The following FBN3 variants were observed in gnomAD, a reference collection of about 807,000 sequenced individuals.
FBN3 encodes the protein fibrillin-3.
A neutral mutation model predicts 330.1 loss-of-function variants in FBN3; 234 were observed. The ratio of observed to expected loss-of-function variants is 0.71; its 90% CI spans 0.64 to 0.79. FBN3 has a LOEUF of 0.79. FBN3 is among the 30% of genes least tolerant of loss of function. The pLI is 0.00. For missense variants in FBN3, 3,606 were observed against 3,886.9 expected, an observed-to-expected ratio of 0.93 and a Z score of 1.92; for synonymous variants, 1,458 against 1,517.3, an observed-to-expected ratio of 0.96 and a Z score of 0.91.
rs1452457452 is a variant in FBN3, at chr19:8,117,553, G to A, written c.3374C>T (p.Pro1125Leu). 1.3e-6 allele frequency: 2 copies of A among 1,557,186 alleles called. No individual in the cohort carries two copies. Among genetic ancestry groups the A allele is most frequent in the Non-Finnish European group, 1.7e-6 (2 of 1,150,138 alleles). Residue 1125 changes from proline to leucine, a missense_variant, in exon 27 of 64, where the codon CCC (proline) becomes CTC (leucine). By Grantham distance (98) the Pro-to-Leu change is moderately conservative. Coordinates refer to ENST00000600128, the MANE Select transcript of FBN3 (RefSeq NM_032447.5). The part of the protein sequence containing the change: ...DECSLSDGLC[P>L]HGQCVNVIGA... ...GATGACATTGACACACTGGCCATGG[G>A]GACACAGGCCATCACTCAGGGAGCA...
intron 30 of FBN3, among the ~76,000 whole-genome samples, chr19:8,112,880 A>T (rs2082622649): frequency 6.6e-6 from 1 of 152,200 alleles, no homozygotes; most frequent in Non-Finnish European, 1.5e-5. Context: ...TTTTGGATCA[A>T]CATCAACAAC....
rs781766536 is a variant in FBN3, at chr19:8,125,972, C to G, written c.2651G>C (p.Arg884Pro). 6.2e-7 allele frequency: 1 copy of G among 1,613,880 alleles called. No homozygotes were observed. Among genetic ancestry groups the G allele is most frequent in the Non-Finnish European group, 8.5e-7 (1 of 1,179,994 alleles). ...GAAAGACCCAGCAGTGTTGACGCAA[C>G]GCCCGTTGGGACAGACTCCCGGGAA... ...ESFPGVCPNGRCVNTAGSFRC... is the reference protein window; with the variant it reads ...ESFPGVCPNGPCVNTAGSFRC... The change falls in exon 22 of 64, where the codon CGT becomes CCT. Residue 884 changes from arginine to proline, a missense_variant. Physicochemically the swap from Arg to Pro is moderately radical, Grantham distance 103. Coordinates refer to ENST00000600128, the MANE Select transcript of FBN3 (RefSeq NM_032447.5).
chr19:8,138,061 T>C, intron 10 of FBN3, 80 bp downstream of exon 10: 2 of 1,443,482 alleles, frequency 1.4e-6, no homozygotes, highest in Non-Finnish European at 1.8e-6. Context: ...CTGGACACCG[T>C]CCCCTGTTTG....
At position 8,123,869 on chromosome 19, in the gene FBN3, G is replaced by A. The variant is rs1197113217; in HGVS notation, c.2871C>T (p.Pro957=). ...WGVECEACPD[P]ESLEFASLCP... ...ACAGGCTGGCGAACTCCAGAGACTC[G>A]GGATCCGGGCAGGCCTCGCACTCGA... is the stretch of plus-strand genomic sequence containing the variant. Residue 957 remains proline, a synonymous_variant, in exon 23 of 64, where the codon CCC becomes CCT. Transcript: ENST00000600128. 10 of 1,612,954 alleles carry A rather than the reference G, an allele frequency of 6.2e-6. No individual in the cohort carries two copies. In the South Asian group the frequency reaches 9.9e-5, roughly 16 times the overall value.
intron 59 of FBN3, among the ~76,000 whole-genome samples, chr19:8,079,914 ATG>A (rs1398196591): frequency 6.6e-6 from 1 of 152,108 alleles, no homozygotes; most frequent in Admixed American, 6.5e-5. Context: ...ATTTCTTGTT[ATG>A]TCTGCCTCTA....
intron 38 of FBN3, among the ~76,000 whole-genome samples, chr19:8,104,927 CTT>C (rs1451294415): frequency 1.3e-5 from 2 of 148,880 alleles, no homozygotes; most frequent in Non-Finnish European, 3.0e-5. Context: ...TCTTTCTTCT[CTT>C]TCTTTCTCTC....
At chr19:8,112,417 C>T (rs1237503680) in intron 30 of FBN3, among the ~76,000 whole-genome samples, 4 of 152,020 alleles carry the variant, frequency 2.6e-5, no homozygotes, top group South Asian at 4.1e-4. Context: ...GAGGCCGAGG[C>T]GGGTGGATCA....
chr19:8,124,029 G>A (rs756249008), intron 22 of FBN3, 21 bp from the exon 23 acceptor site: 1 of 1,578,714 alleles, frequency 6.3e-7, no homozygotes, highest in Non-Finnish European at 8.7e-7. Context: ...GACAGTCACT[G>A]CGTCCCCACC....
At chr19:8,090,076 C>G (rs369941372) in intron 49 of FBN3, 23 bp downstream of exon 49, 18 of 1,610,264 alleles carry the variant, frequency 1.1e-5, no homozygotes, top group East Asian at 2.2e-5. Context: ...ATCCAGGGAG[C>G]CTGGACAGGG....
rs751931782 is a variant in FBN3 at position 8,096,024 on chromosome 19, C to T, written c.5596G>A (p.Gly1866Ser). 4.3e-6 allele frequency: 7 copies of T among 1,614,122 alleles called. No homozygotes were observed. Among genetic ancestry groups the T allele is most frequent in the African/African-American group, 1.3e-5 (1 of 75,036 alleles). Reference sequence around the variant, plus strand: ...GGGAAGCAGAGGCAGTTGTAGGAGCCAATGATGTTCTTGCAGGTCCCATTT... The same window carrying T: ...GGGAAGCAGAGGCAGTTGTAGGAGCTAATGATGTTCTTGCAGGTCCCATTT... Reference protein sequence around the residue: ...CGNGTCKNIIGSYNCLCFPGF... With the variant: ...CGNGTCKNIISSYNCLCFPGF... Residue 1866 changes from glycine (G) to serine (S), a missense_variant, in exon 45 of 64, where the codon GGC (glycine) becomes AGC (serine). By Grantham distance (56) the Gly-to-Ser change is moderately conservative (BLOSUM62 0). Coordinates refer to ENST00000600128, the MANE Select transcript of FBN3 (RefSeq NM_032447.5). The surrounding 1 kb of genome is among the most constrained non-coding windows in gnomAD (Gnocchi z 4.6).
Position 8,131,152 on chromosome 19 carries a change from C to T in FBN3, c.2044+83G>A. 1 of 1,389,458 alleles carries T rather than the reference C, an allele frequency of 7.2e-7. No individual in the cohort carries two copies. The highest frequency in any genetic ancestry group is 1.3e-5 in the South Asian group (1 of 77,738). 86.1% of individuals were successfully genotyped at this position (1,389,458 alleles called of 1,614,324 possible). A position where few individuals can be genotyped will look rare whatever the true frequency, so the allele number is the denominator to read the frequency against. ...CTTTGTTACGGGAACCCCGGGCCAA[C>T]TCCTACAGCCTCCCACCACAGCTCT... is the stretch of plus-strand genomic sequence containing the variant. On this transcript the variant is annotated intron_variant, in intron 16 of 63. Coordinates refer to ENST00000600128, the MANE Select transcript of FBN3 (RefSeq NM_032447.5). This position sits in a 1 kb window ranked among gnomAD's most constrained non-coding sequence, Gnocchi z 4.5.
chr19:8,124,200 T>G (rs1255294989), intron 22 of FBN3, among the ~76,000 whole-genome samples, 192 bp from the exon 23 acceptor site: 2 of 151,518 alleles, frequency 1.3e-5, no homozygotes, highest in Non-Finnish European at 2.9e-5. Context: ...GTAGCACTGT[T>G]CTAAGCCCCT....
rs1275231394 is a variant in FBN3 at position 8,111,966 on chromosome 19, C to T, written c.3961+11G>A. The T allele has an allele frequency of 3.2e-6, 5 of 1,571,950 alleles. No individual in the cohort carries two copies. The East Asian group carries it at 9.5e-5, about 30-fold the overall frequency. On this transcript the variant is annotated intron_variant, in intron 31 of 63. Transcript: ENST00000600128. The stretch of plus-strand genomic sequence containing the variant: ...CTGCTTTGCCCCCACTCCCTGCCCC[C>T]AGGTACTCACCGTGACATTCGAAGC...
intron 8 of FBN3, among the ~76,000 whole-genome samples, chr19:8,141,009 G>A (rs1358791663): frequency 2.0e-5 from 3 of 151,618 alleles, no homozygotes; most frequent in East Asian, 3.9e-4. Flanking sequence ...TGGCTAACAC[G>A]GTGAAACCCC....
chr19:8,146,380 G>A (rs2083547391), intron 3 of FBN3, among the ~76,000 whole-genome samples, 155 bp from the exon 4 acceptor site: 1 of 152,200 alleles, frequency 6.6e-6, no homozygotes, highest in Non-Finnish European at 1.5e-5. Flanking sequence ...CTGTTTTCAT[G>A]GGATGTCCCC....
At chr19:8,076,554 G>A (rs968154356) in intron 59 of FBN3, among the ~76,000 whole-genome samples, 1 of 152,114 alleles carries the variant, frequency 6.6e-6, no homozygotes, top group African/African-American at 2.4e-5. Flanking sequence ...CAGAAGAATC[G>A]CTTGAACCCG....
Position 8,133,000 on chromosome 19 carries a change from G to T in FBN3, c.1698C>A (p.Gly566=). ...CAGGCTCACCCATGCAGTAGTGGCC[G>T]CCAGGCGCCAGCAGGAAGCCGGGTT... is the stretch of plus-strand genomic sequence containing the variant. ...LCKPGFLLAP[G]GHYCMDIDEC... is the part of the protein sequence containing the mutation. Residue 566 remains glycine (G), a synonymous_variant, in exon 14 of 64, where the codon GGC becomes GGA. Transcript: ENST00000600128. 6.4e-7 allele frequency: 1 copy of T among 1,566,750 alleles called. No individual in the cohort carries two copies. Among genetic ancestry groups the T allele is most frequent in the East Asian group, 2.3e-5 (1 of 43,006 alleles).
intron 56 of FBN3, among the ~76,000 whole-genome samples, chr19:8,083,816 T>C (rs973669700): frequency 6.7e-6 from 1 of 149,420 alleles, no homozygotes; most frequent in African/African-American, 2.4e-5. Context: ...TTTTTTTTTT[T>C]TTTTGAGACA....
intron 59 of FBN3, among the ~76,000 whole-genome samples, chr19:8,078,895 C>T (rs1270919640): frequency 2.0e-5 from 3 of 151,848 alleles, no homozygotes; most frequent in African/African-American, 7.3e-5. Context: ...GATCCTCCCA[C>T]CTCAGCCTCC....
Sources: gnomAD v4.1 joint callset for allele counts (sites outside exome capture counted in the v4.1 genomes callset) on GRCh38, gnomAD v4.1.1 for gene constraint, Gnocchi (gnomAD v3.1) non-coding constraint, MANE v1.5 for transcripts, NCBI Gene and HGNC (gene_info 2026-07-23, HGNC 2026-07-21) for gene names.